Variants in SMYD3 observed in about 807,000 individuals in gnomAD.
SMYD3 encodes the protein SET and MYND domain containing 3.
A neutral mutation model predicts 57.7 loss-of-function variants in SMYD3; 36 were observed. That is an observed-to-expected ratio of 0.62 (90% CI 0.48 to 0.82). The LOEUF is 0.82. Ranked by LOEUF, SMYD3 falls within the 40% of genes least tolerant of loss-of-function variation. The pLI is 0.00. For synonymous variants in SMYD3, 211 were observed against 195.0 expected (o/e 1.08, Z -0.68); for missense variants, 515 against 538.8 (o/e 0.96, Z 0.44).
intron 10 of SMYD3, among the ~76,000 whole-genome samples, chr1:245,841,397 T>C (rs775914095): frequency 6.6e-6 from 1 of 152,220 alleles, no homozygotes; most frequent in Non-Finnish European, 1.5e-5. Flanking sequence ...TTAACTTTGC[T>C]TAAAATTTTA....
chr1:246,149,659 C>A (rs949667439), intron 5 of SMYD3, among the ~76,000 whole-genome samples: 1 of 152,124 alleles, frequency 6.6e-6, no homozygotes, highest in Non-Finnish European at 1.5e-5. Flanking sequence ...GTGTTACTGC[C>A]CTAATCCAAT....
At chr1:246,428,090 A>G (rs1051800967) in intron 1 of SMYD3, among the ~76,000 whole-genome samples, 3 of 152,198 alleles carry the variant, frequency 2.0e-5, no homozygotes, top group Admixed American at 6.5e-5. Context: ...AGCCAGTACC[A>G]TTATTAGTGC....
At chr1:246,326,395 G>T (rs1318772063) in intron 5 of SMYD3, 2 of 659,952 alleles carry the variant, frequency 3.0e-6, no homozygotes. Flanking sequence ...ATGCCTATGG[G>T]CTAGTGAAGA....
At chr1:245,807,810 A>G (rs2048262276) in intron 10 of SMYD3, among the ~76,000 whole-genome samples, 1 of 148,898 alleles carries the variant, frequency 6.7e-6, no homozygotes, top group African/African-American at 2.5e-5. Context: ...GTAATTTCCC[A>G]GGGAAAAAAA....
intron 5 of SMYD3, among the ~76,000 whole-genome samples, chr1:246,059,750 A>G (rs958835944): frequency 2.0e-5 from 3 of 152,224 alleles, no homozygotes; most frequent in African/African-American, 7.2e-5. Context: ...CTGAAACTCA[A>G]TCAGGAGAAC....
intron 10 of SMYD3, among the ~76,000 whole-genome samples, chr1:245,829,741 G>A (rs2049725280): frequency 6.6e-6 from 1 of 152,062 alleles, no homozygotes; most frequent in African/African-American, 2.4e-5. Flanking sequence ...GAGCCCAAAT[G>A]TCCATCACTT....
chr1:246,237,066 G>T (rs565453029), intron 5 of SMYD3, among the ~76,000 whole-genome samples: 1 of 152,196 alleles, frequency 6.6e-6, no homozygotes, highest in African/African-American at 2.4e-5. Context: ...CCAAAGAGAC[G>T]ACCACATTAA....
At chr1:246,023,844 T>TGTG (rs1558159569) in intron 5 of SMYD3, among the ~76,000 whole-genome samples, 1 of 151,470 alleles carries the variant, frequency 6.6e-6, no homozygotes, top group Non-Finnish European at 1.5e-5. Context: ...TGTGTGTGTG[T>TGTG]TACTGAAAAA....
At chr1:245,843,706 C>T (rs914890938) in intron 10 of SMYD3, among the ~76,000 whole-genome samples, 1 of 152,010 alleles carries the variant, frequency 6.6e-6, no homozygotes, top group South Asian at 2.1e-4. Context: ...TGGAACCAGT[C>T]GGAGGAAGGA....
chr1:245,970,609 G>GA (rs934989615), intron 5 of SMYD3, among the ~76,000 whole-genome samples: 32 of 151,210 alleles, frequency 2.1e-4, no homozygotes, highest in African/African-American at 5.6e-4. Flanking sequence ...AAATTTACAA[G>GA]AAAAAAAACA....
Position 246,444,960 on chromosome 1 carries a change from T to C in SMYD3, c.164+62094A>G, listed in dbSNP as rs201332698. ...TCTGGGGTTTGGATTCCACCTGTAC[T>C]ACTTACTAGCCATGTGACTTTAAAT... On this transcript the variant is annotated intron_variant, in intron 1 of 11. Coordinates refer to ENST00000490107, the MANE Select transcript of SMYD3 (RefSeq NM_001167740.2). Among the ~76,000 whole-genome samples the C allele has an allele frequency of 1.4e-4, 21 of 152,344 alleles. No individual in the cohort carries two copies. In the East Asian group the frequency reaches 4.0e-3, roughly 29 times the overall value.
rs1330883462 is a variant in SMYD3 at position 245,993,625 on chromosome 1, G to T, written c.532-63688C>A. ...AGATAGATAGATAGATAGATAGATA[G>T]ATAGATAGACAGACAGACAGACAGA... On this transcript the variant is annotated intron_variant, in intron 5 of 11. Transcript: ENST00000490107. Among the ~76,000 whole-genome samples the T allele has an allele frequency of 2.0e-4, 27 of 138,100 alleles. 1 individual carries two copies. The highest frequency in any genetic ancestry group is 7.2e-5 in the Admixed American group (1 of 13,836). The allele number at this position is 138,100 out of a possible 152,430, so 90.6% of individuals were successfully genotyped here.
At chr1:246,149,456 G>T (rs1366257876) in intron 5 of SMYD3, among the ~76,000 whole-genome samples, 1 of 152,156 alleles carries the variant, frequency 6.6e-6, no homozygotes, top group Non-Finnish European at 1.5e-5. Context: ...ACCCTAAAGA[G>T]AAAGGTATCA....
intron 5 of SMYD3, among the ~76,000 whole-genome samples, chr1:246,088,835 C>A (rs1477218347): frequency 8.7e-6 from 1 of 114,800 alleles, no homozygotes; most frequent in Admixed American, 9.0e-5. Context: ...AGGAAGATGG[C>A]AAATGTTTTT....
intron 1 of SMYD3, among the ~76,000 whole-genome samples, chr1:246,459,147 C>T (rs979702714): frequency 1.3e-5 from 2 of 152,140 alleles, no homozygotes; most frequent in Admixed American, 1.3e-4. Flanking sequence ...ATGTGTAGCA[C>T]GTCCCCCTTC....
chr1:246,090,554 A>G (rs561052357), intron 5 of SMYD3, among the ~76,000 whole-genome samples: 33 of 136,476 alleles, frequency 2.4e-4, no homozygotes, highest in Non-Finnish European at 4.0e-4. Context: ...GTCTAGCTCT[A>G]TCACCCAGGA....
chr1:246,367,150 G>C (rs1472210446), intron 1 of SMYD3, among the ~76,000 whole-genome samples: 1 of 152,084 alleles, frequency 6.6e-6, no homozygotes, highest in African/African-American at 2.4e-5. Flanking sequence ...AAATTGTAAC[G>C]ATTTTTCTGG....
intron 5 of SMYD3, among the ~76,000 whole-genome samples, chr1:245,970,740 C>T (rs1241463094): frequency 6.6e-6 from 1 of 152,204 alleles, no homozygotes; most frequent in Non-Finnish European, 1.5e-5. Flanking sequence ...ATCAAAACCA[C>T]AGTGAGATAC....
chr1:246,393,007 A>AG (rs2066597662), intron 1 of SMYD3, among the ~76,000 whole-genome samples: 1 of 152,168 alleles, frequency 6.6e-6, no homozygotes, highest in Admixed American at 6.5e-5. Flanking sequence ...AAAAATGAGA[A>AG]GAAAGATCCC....
Sources: gnomAD v4.1 joint callset for allele counts (sites outside exome capture counted in the v4.1 genomes callset) on GRCh38, gnomAD v4.1.1 for gene constraint, MANE v1.5 for transcripts, NCBI Gene and HGNC (gene_info 2026-07-23, HGNC 2026-07-21) for gene names.